Variants in PCDHGA8 observed in about 807,000 individuals in gnomAD.
The protein encoded by PCDHGA8 is protocadherin gamma-A8.
PCDHGA8 carries 45 observed loss-of-function variants against 59.2 expected under a neutral mutation model. That is an observed-to-expected ratio of 0.76 (90% CI 0.60 to 0.98). The LOEUF (loss-of-function observed/expected upper bound fraction) is 0.98. PCDHGA8 is among the 50% of genes least tolerant of loss of function. PCDHGA8 has a pLI of 0.00. For synonymous variants in PCDHGA8, 531 were observed against 519.0 expected, an observed-to-expected ratio of 1.02 and a Z score of -0.32; for missense variants, 1,257 against 1,196.2, an observed-to-expected ratio of 1.05 and a Z score of -0.75.
chr5:141,489,288 G>A lies in PCDHGA8; in HGVS notation c.2425-5519G>A. 6.3e-7 allele frequency: 1 copy of A among 1,575,870 alleles called. No homozygotes were observed. Among genetic ancestry groups the A allele is most frequent in the Non-Finnish European group, 8.6e-7 (1 of 1,161,152 alleles). On this transcript the variant is annotated intron_variant, in intron 1 of 3. Coordinates refer to ENST00000398604, the MANE Select transcript of PCDHGA8 (RefSeq NM_032088.2). The surrounding 1 kb of genome is among the most constrained non-coding windows in gnomAD (Gnocchi z 4.5). ...AGCTCGCTGGGAAATGGCAAGTGCT[G>A]TGCATGTTGTCCTTGTGCTGCTGGG...
intron 1 of PCDHGA8, among the ~76,000 whole-genome samples, chr5:141,488,190 G>A (rs1162264945): frequency 1.3e-5 from 2 of 152,164 alleles, no homozygotes; most frequent in African/African-American, 4.8e-5. Flanking sequence ...CTTTTGGTCT[G>A]GGTCTTAGGA....
chr5:141,428,181 A>G, intron 1 of PCDHGA8: 2 of 1,486,230 alleles, frequency 1.3e-6, no homozygotes, highest in Non-Finnish European at 1.8e-6. Flanking sequence ...GACGGAGGAC[A>G]GCCGCCGCTC....
chr5:141,433,837 C>CAA (rs56191208), intron 1 of PCDHGA8, among the ~76,000 whole-genome samples: 9,379 of 111,452 alleles, frequency 0.084, 424 homozygotes, highest in African/African-American at 0.14. Flanking sequence ...AACTCTATCT[C>CAA]AAAAAAAAAA....
chr5:141,426,086 G>A (rs751467304), intron 1 of PCDHGA8, among the ~76,000 whole-genome samples: 5 of 152,218 alleles, frequency 3.3e-5, no homozygotes, highest in Non-Finnish European at 7.3e-5. Context: ...CTACCAGGAC[G>A]ATATTCTGTT....
chr5:141,403,241 G>C, intron 1 of PCDHGA8: 1 of 1,613,956 alleles, frequency 6.2e-7, no homozygotes. Flanking sequence ...GGAGCTCTGT[G>C]CTCAGAGCCC....
intron 1 of PCDHGA8, among the ~76,000 whole-genome samples, chr5:141,450,470 AGTTT>A (rs199699353): frequency 4.6e-5 from 7 of 151,680 alleles, no homozygotes; most frequent in Non-Finnish European, 8.8e-5. Flanking sequence ...TTATATATAG[AGTTT>A]GTTTGTTTGT....
chr5:141,418,228 T>C, intron 1 of PCDHGA8: 2 of 1,613,990 alleles, frequency 1.2e-6, no homozygotes, highest in Non-Finnish European at 1.7e-6. Context: ...TTGTGGTGAT[T>C]GAGGATGTTA....
At chr5:141,505,353 G>A (rs376781305) in intron 2 of PCDHGA8, 40 bp from the exon 3 acceptor site, 51 of 1,613,426 alleles carry the variant, frequency 3.2e-5, no homozygotes, top group East Asian at 2.7e-4. Flanking sequence ...GAGCTGTGCC[G>A]GCCTGGGAGT....
At chr5:141,474,803 T>C (rs1383027398) in intron 1 of PCDHGA8, among the ~76,000 whole-genome samples, 1 of 152,250 alleles carries the variant, frequency 6.6e-6, no homozygotes, top group Non-Finnish European at 1.5e-5. Context: ...ATGGAGTGGT[T>C]TGCATCATTA....
At chr5:141,439,472 A>G (rs1185561573) in intron 1 of PCDHGA8, among the ~76,000 whole-genome samples, 3 of 152,228 alleles carry the variant, frequency 2.0e-5, no homozygotes, top group Non-Finnish European at 4.4e-5. Flanking sequence ...GCTGCCTTTC[A>G]GCTTGCAAAT....
At chr5:141,421,148 G>A (rs1334539595) in intron 1 of PCDHGA8, 2 of 1,056,062 alleles carry the variant, frequency 1.9e-6, no homozygotes, top group African/African-American at 1.6e-5. Context: ...GATGTAGTCG[G>A]CCTAGGACTT....
chr5:141,400,128 G>T, intron 1 of PCDHGA8: 1 of 1,614,080 alleles, frequency 6.2e-7, no homozygotes, highest in Non-Finnish European at 8.5e-7. Context: ...TGCAGGAGGT[G>T]CTGCCGGATA....
At chr5:141,474,754 T>C (rs1351752958) in intron 1 of PCDHGA8, among the ~76,000 whole-genome samples, 4 of 152,228 alleles carry the variant, frequency 2.6e-5, no homozygotes, top group Non-Finnish European at 4.4e-5. Flanking sequence ...CCAAGACAAA[T>C]ATACAGAAAT....
chr5:141,490,313 C>G lies in PCDHGA8; in HGVS notation c.2425-4494C>G. The G allele has an allele frequency of 6.2e-7, 1 of 1,614,222 alleles. No individual in the cohort carries two copies. The highest frequency in any genetic ancestry group is 8.5e-7 in the Non-Finnish European group (1 of 1,180,024). Reference sequence around the variant, plus strand: ...GTGCTATTGGCCTCTTTGGCCAACCCTGTCCTAGAGAGCACACCAGTGGGC... The same window carrying G: ...GTGCTATTGGCCTCTTTGGCCAACCGTGTCCTAGAGAGCACACCAGTGGGC... On this transcript the variant is annotated intron_variant, in intron 1 of 3. Transcript: ENST00000398604. The surrounding 1 kb of genome is among the most constrained non-coding windows in gnomAD (Gnocchi z 5.4).
chr5:141,499,533 G>T (rs2099792525), intron 2 of PCDHGA8, among the ~76,000 whole-genome samples: 1 of 152,086 alleles, frequency 6.6e-6, no homozygotes, highest in African/African-American at 2.4e-5. Flanking sequence ...AGAGAGAATG[G>T]TGTCATGAAC....
At position 141,477,758 on chromosome 5, in the gene PCDHGA8, G is replaced by A; in HGVS notation, c.2425-17049G>A. 2 of 1,613,924 alleles carry A rather than the reference G, an allele frequency of 1.2e-6. No homozygotes were observed. The highest frequency in any genetic ancestry group is 1.7e-5 in the Admixed American group (1 of 60,022). On this transcript the variant is annotated intron_variant, in intron 1 of 3. Transcript: ENST00000398604. The surrounding 1 kb of genome is among the most constrained non-coding windows in gnomAD (Gnocchi z 4.9). ...CAGCGATGGGGGCACCCCGGTCCTA[G>A]CCACCAACATCAGCGTGAACATATT...
chr5:141,435,781 C>T (rs3828680), intron 1 of PCDHGA8, among the ~76,000 whole-genome samples: 81,882 of 151,942 alleles, frequency 0.54, 24,120 homozygotes, highest in African/African-American at 0.79. Flanking sequence ...TGTAAAGGTG[C>T]AGGGAAACAT....
chr5:141,496,132 C>T (rs865808904), intron 2 of PCDHGA8, among the ~76,000 whole-genome samples: 1 of 152,058 alleles, frequency 6.6e-6, no homozygotes, highest in African/African-American at 2.4e-5. Flanking sequence ...CCCTCACACA[C>T]TGAGCCTTTG....
intron 1 of PCDHGA8, chr5:141,404,077 C>T: frequency 6.2e-7 from 1 of 1,613,742 alleles, no homozygotes; most frequent in East Asian, 2.2e-5. Flanking sequence ...ATGACCGAGA[C>T]TCCGGGAAGA....
Sources: gnomAD v4.1 joint callset for allele counts (sites outside exome capture counted in the v4.1 genomes callset) on GRCh38, gnomAD v4.1.1 for gene constraint, Gnocchi (gnomAD v3.1) non-coding constraint, MANE v1.5 for transcripts, NCBI Gene and HGNC (gene_info 2026-07-23, HGNC 2026-07-21) for gene names.